The following DIAPH2 variants were observed in gnomAD, a reference collection of about 807,000 sequenced individuals.
The protein encoded by DIAPH2 is protein diaphanous homolog 2.
A neutral mutation model predicts 92.7 loss-of-function variants in DIAPH2; 35 were observed. That is an observed-to-expected ratio of 0.38 (90% confidence interval 0.29 to 0.50). The LOEUF (loss-of-function observed/expected upper bound fraction) is 0.50, where lower values mean the gene tolerates loss of function less well. Among genes scored for constraint, DIAPH2 ranks in the 20% least tolerant of loss-of-function variants. The pLI, the probability that DIAPH2 is intolerant of heterozygous loss-of-function variation, is 0.94. For synonymous variants in DIAPH2, 301 were observed against 280.4 expected (o/e 1.07, Z -0.73); for missense variants, 701 against 819.5 (o/e 0.86, Z 1.77).
intron 22 of DIAPH2, among the ~76,000 whole-genome samples, chrX:97,173,995 C>G (rs1210449925): frequency 1.4e-4 from 15 of 105,020 alleles, no homozygotes; most frequent in African/African-American, 5.2e-4. Context: ...GTAACAGTTG[C>G]ATTTATTAAG....
intron 17 of DIAPH2, among the ~76,000 whole-genome samples, chrX:97,064,159 A>T (rs2066618485): frequency 1.8e-5 from 2 of 111,934 alleles, no homozygotes; most frequent in Non-Finnish European, 3.8e-5. Flanking sequence ...CCTATACTTC[A>T]AACCTGACGA....
chrX:97,171,227 T>C (rs6620231), intron 22 of DIAPH2, among the ~76,000 whole-genome samples: 36,888 of 111,699 alleles, frequency 0.33, 4,831 homozygotes, highest in East Asian at 0.63. Context: ...TTCCTTAGTA[T>C]TTTTAATGGT....
chrX:97,148,547 T>C (rs911684891), intron 22 of DIAPH2, among the ~76,000 whole-genome samples: 8 of 111,129 alleles, frequency 7.2e-5, no homozygotes, highest in Non-Finnish European at 1.3e-4. Flanking sequence ...GTATTCTTTT[T>C]GTCCTTACAA....
intron 23 of DIAPH2, among the ~76,000 whole-genome samples, chrX:97,255,195 G>A (rs2068227006): frequency 9.0e-6 from 1 of 111,082 alleles, no homozygotes; most frequent in Non-Finnish European, 1.9e-5. Flanking sequence ...TCTGAGATAA[G>A]TTCTACATTT....
Position 96,883,364 on chromosome X carries a change from G to GGTTTTTT in DIAPH2, c.587+1668_587+1674dup, listed in dbSNP as rs766831043. 9.3e-3 allele frequency among the ~76,000 whole-genome samples: 1,015 copies of GGTTTTTT among 109,481 alleles called. 7 individuals are homozygous for GGTTTTTT. The highest frequency in any genetic ancestry group is 0.016 in the Non-Finnish European group (829 of 52,523). On this transcript the variant is annotated intron_variant, in intron 5 of 26. Transcript: ENST00000324765. ...TGCCATTTCTTCCAAAATGCTCCTAGGTTTTTTGTTTTTTGTTTTTTGTTT... is the reference window on the plus strand; with the variant it reads ...TGCCATTTCTTCCAAAATGCTCCTAGGTTTTTTGTTTTTTGTTTTTTGTTTTTTGTTT...
In DIAPH2 at chrX:96,807,944, C is replaced by CAAAAAAAAAAAAAAAAAAAA. The variant is rs541681495; in HGVS notation, c.447+49706_447+49725dup. The stretch of plus-strand genomic sequence containing the variant: ...GTGAGATTTGGTATTGTAGAAATAG[C>CAAAAAAAAAAAAAAAAAAAA]AAAAAAAAAAAAAAAAAAAAAAAAA... On this transcript the variant is annotated intron_variant, in intron 4 of 26. Coordinates refer to ENST00000324765, the MANE Select transcript of DIAPH2 (RefSeq NM_006729.5). 6.2e-4 allele frequency among the ~76,000 whole-genome samples: 9 copies of CAAAAAAAAAAAAAAAAAAAA among 14,490 alleles called. 2 individuals carry two copies. The highest frequency in any genetic ancestry group is 1.1e-3 in the Non-Finnish European group (9 of 8,260). The allele number at this position is 14,490 out of a possible 115,157, so 12.6% of individuals were successfully genotyped here. A position where few individuals can be genotyped will look rare whatever the true frequency, so the allele number is the denominator to read the frequency against.
At chrX:96,993,103 T>C (rs1167339456) in intron 17 of DIAPH2, among the ~76,000 whole-genome samples, 1 of 112,466 alleles carries the variant, frequency 8.9e-6, no homozygotes, top group African/African-American at 3.2e-5. Context: ...ATCACACCAG[T>C]GTGACAAGAC....
chrX:97,588,996 A>ATATATAT, intron 26 of DIAPH2, among the ~76,000 whole-genome samples: 1 of 31,710 alleles, frequency 3.2e-5, no homozygotes, highest in African/African-American at 7.8e-5. Flanking sequence ...ATATTATAGA[A>ATATATAT]ATATATATAT....
At position 97,510,895 on chromosome X, in the gene DIAPH2, C is replaced by T. The variant is rs1234045645; in HGVS notation, c.3241+81150C>T. On this transcript the variant is annotated intron_variant, in intron 26 of 26. Coordinates refer to ENST00000324765, the MANE Select transcript of DIAPH2 (RefSeq NM_006729.5). Reference sequence around the variant, plus strand: ...TCTCTGTTTTGGTACCAGTACCATGCTGTTTTGGTTACTGTAGCCTTGTAG... The same window carrying T: ...TCTCTGTTTTGGTACCAGTACCATGTTGTTTTGGTTACTGTAGCCTTGTAG... Among the ~76,000 whole-genome samples, 3 of 106,006 alleles carry T rather than the reference C, an allele frequency of 2.8e-5. No individual in the cohort carries two copies. The Admixed American group carries it at 3.1e-4, about 11-fold the overall frequency. The allele number at this position is 106,006 out of a possible 115,157, so 92.1% of individuals were successfully genotyped here.
At chrX:97,210,967 C>T (rs1435785586) in intron 22 of DIAPH2, among the ~76,000 whole-genome samples, 1 of 112,053 alleles carries the variant, frequency 8.9e-6, no homozygotes, top group Non-Finnish European at 1.9e-5. Flanking sequence ...AGGAAATGGA[C>T]ATGACAGTGA....
chrX:96,939,632 A>ACACT (rs1164304196), intron 12 of DIAPH2, among the ~76,000 whole-genome samples: 2 of 79,804 alleles, frequency 2.5e-5, no homozygotes. Flanking sequence ...ACACACACAC[A>ACACT]CACACAGGGT....
intron 26 of DIAPH2, among the ~76,000 whole-genome samples, chrX:97,570,226 T>C (rs937603831): frequency 3.1e-5 from 3 of 97,830 alleles, no homozygotes; most frequent in Non-Finnish European, 4.1e-5. Context: ...CACACACACA[T>C]ATATATATGT....
At chrX:97,339,401 G>A (rs2147678357) in intron 23 of DIAPH2, among the ~76,000 whole-genome samples, 1 of 110,635 alleles carries the variant, frequency 9.0e-6, no homozygotes, top group Admixed American at 9.7e-5. Flanking sequence ...TGTAATCCCG[G>A]CTACATGGGA....
chrX:96,728,431 G>C (rs1181372596), intron 1 of DIAPH2, among the ~76,000 whole-genome samples: 1 of 111,047 alleles, frequency 9.0e-6, no homozygotes, highest in African/African-American at 3.3e-5. Flanking sequence ...GGCTGGTCTC[G>C]AATTCCTGAC....
chrX:96,692,659 T>C (rs773740769), intron 1 of DIAPH2, among the ~76,000 whole-genome samples: 2 of 112,444 alleles, frequency 1.8e-5, no homozygotes, highest in Non-Finnish European at 3.8e-5. Flanking sequence ...GTTTTGGCTT[T>C]ACTCACTGGT....
At chrX:97,514,046 A>C (rs1298917212) in intron 26 of DIAPH2, among the ~76,000 whole-genome samples, 1 of 106,753 alleles carries the variant, frequency 9.4e-6, no homozygotes, top group African/African-American at 3.6e-5. Context: ...CCTGAATCTG[A>C]ACGTTGGCCT....
intron 4 of DIAPH2, among the ~76,000 whole-genome samples, chrX:96,780,461 G>T (rs1261357380): frequency 9.0e-6 from 1 of 111,307 alleles, no homozygotes; most frequent in Non-Finnish European, 1.9e-5. Context: ...TTGAATCAGG[G>T]TTTTATTTTT....
intron 4 of DIAPH2, among the ~76,000 whole-genome samples, chrX:96,839,780 A>G (rs1289624050): frequency 1.8e-5 from 2 of 111,525 alleles, no homozygotes; most frequent in Non-Finnish European, 3.8e-5. Context: ...GTGGTTTTTA[A>G]TGGCAGTCTT....
chrX:96,912,810 T>G (rs747724672), intron 7 of DIAPH2, among the ~76,000 whole-genome samples: 6 of 110,937 alleles, frequency 5.4e-5, no homozygotes, highest in African/African-American at 2.0e-4. Flanking sequence ...TCTGCTGTAC[T>G]AATTAATTGT....
Sources: allele counts gnomAD v4.1 joint callset (sites outside exome capture counted in the v4.1 genomes callset), GRCh38; gene constraint gnomAD v4.1.1; transcripts MANE v1.5; gene names NCBI Gene and HGNC (gene_info 2026-07-23, HGNC 2026-07-21).